BNC2: variants seen among roughly 807,000 people sequenced by gnomAD.
The protein encoded by BNC2 is zinc finger protein basonuclin-2.
BNC2 carries 20 observed loss-of-function variants against 76.3 expected under a neutral mutation model. The ratio of observed to expected loss-of-function variants is 0.26; its 90% CI spans 0.18 to 0.38. BNC2 has a LOEUF of 0.38. Ranked by LOEUF, BNC2 falls within the 10% of genes least tolerant of loss-of-function variation. The pLI, the probability that BNC2 is intolerant of heterozygous loss-of-function variation, is 1.00. For missense variants in BNC2, 1,382 were observed against 1,399.8 expected (o/e 0.99, Z 0.20); for synonymous variants, 582 against 514.8 (o/e 1.13, Z -1.77).
At position 16,413,563 on chromosome 9, in the gene BNC2, C is replaced by A. The variant is rs972333577; in HGVS notation, c.*5426G>T. The stretch of plus-strand genomic sequence containing the variant: ...TGTGGGAAGGATGAGGATGATGAAA[C>A]TACACAAGGAAGGACGGGTATGTGG... On this transcript the variant is annotated 3_prime_UTR_variant, in exon 7 of 7. Coordinates refer to ENST00000380672, the MANE Select transcript of BNC2 (RefSeq NM_017637.6). The A allele has an allele frequency of 6.6e-6, 1 of 152,096 alleles. No individual in the cohort carries two copies. Among genetic ancestry groups the A allele is most frequent in the Non-Finnish European group, 1.5e-5 (1 of 68,020 alleles). The allele number at this position is 152,096 out of a possible 1,614,324, so 9.4% of individuals were successfully genotyped here.
intron 3 of BNC2, among the ~76,000 whole-genome samples, chr9:16,710,069 GA>G (rs1362437833): frequency 6.6e-6 from 1 of 151,866 alleles, no homozygotes; most frequent in Non-Finnish European, 1.5e-5. Flanking sequence ...ATATGTAAAT[GA>G]ATGCTGATGA....
intron 1 of BNC2, among the ~76,000 whole-genome samples, chr9:16,837,408 G>T (rs1311774682): frequency 6.6e-6 from 1 of 152,200 alleles, no homozygotes; most frequent in Non-Finnish European, 1.5e-5. Flanking sequence ...GGACGCTGAG[G>T]CAGGAGAATC....
In BNC2 at chr9:16,515,745, T is replaced by A. The variant is rs531217885; in HGVS notation, c.669+36785A>T. On this transcript the variant is annotated intron_variant, in intron 5 of 6. Coordinates refer to ENST00000380672, the MANE Select transcript of BNC2 (RefSeq NM_017637.6). Reference sequence around the variant, plus strand: ...AAAAAAAAAAAATTTAAAAAAAACCTCTGAAAAAAAAAATCAAGCTTGACA... The same window carrying A: ...AAAAAAAAAAAATTTAAAAAAAACCACTGAAAAAAAAAATCAAGCTTGACA... Among the ~76,000 whole-genome samples the A allele has an allele frequency of 5.2e-3, 761 of 145,060 alleles. 6 individuals are homozygous for A. Among genetic ancestry groups the A allele is most frequent in the Middle Eastern group, 0.018 (5 of 276 alleles).
intron 5 of BNC2, among the ~76,000 whole-genome samples, chr9:16,530,168 GT>G (rs543757072): frequency 1.2e-4 from 18 of 145,800 alleles, no homozygotes; most frequent in South Asian, 4.4e-4. Flanking sequence ...TTTGTTTTTT[GT>G]TTTTTTTTTT....
chr9:16,582,955 C>T lies in BNC2; in HGVS notation c.433+28G>A, dbSNP rs370569366. The stretch of plus-strand genomic sequence containing the variant: ...CACACGAACATGAACATAATAAGAA[C>T]GGGAAGAAAAGCCCAGATTTTCCTC... On this transcript the variant is annotated intron_variant, in intron 4 of 6. Coordinates refer to ENST00000380672, the MANE Select transcript of BNC2 (RefSeq NM_017637.6). 195 of 1,394,950 alleles carry T rather than the reference C, an allele frequency of 1.4e-4. 1 individual carries two copies. Among genetic ancestry groups the T allele is most frequent in the Non-Finnish European group, 1.9e-4 (184 of 987,512 alleles). 86.4% of individuals were successfully genotyped at this position (1,394,950 alleles called of 1,614,324 possible).
In BNC2 at chr9:16,862,123, T is replaced by G. The variant is rs146252770; in HGVS notation, c.3+8523A>C. Reference sequence around the variant, plus strand: ...AACAATTTGGAAGTTCCTCAAAAAGTTATAAGTAGATAGGCCATACTATCC... The same window carrying G: ...AACAATTTGGAAGTTCCTCAAAAAGGTATAAGTAGATAGGCCATACTATCC... On this transcript the variant is annotated intron_variant, in intron 1 of 6. Transcript: ENST00000380672. 4.3e-3 allele frequency among the ~76,000 whole-genome samples: 660 copies of G among 152,282 alleles called. 4 individuals are homozygous for G. Among genetic ancestry groups the G allele is most frequent in the African/African-American group, 0.015 (623 of 41,550 alleles).
chr9:16,571,096 C>T (rs766436365), intron 4 of BNC2, among the ~76,000 whole-genome samples: 2 of 151,954 alleles, frequency 1.3e-5, no homozygotes, highest in African/African-American at 4.8e-5. Context: ...TATTTAAAAA[C>T]CAGTAAAAGA....
intron 3 of BNC2, among the ~76,000 whole-genome samples, chr9:16,713,282 T>C (rs974973847): frequency 1.3e-5 from 2 of 152,086 alleles, no homozygotes; most frequent in Non-Finnish European, 2.9e-5. Context: ...TTTCAACAAA[T>C]TGTGACCAAT....
chr9:16,461,945 T>C (rs2131248057), intron 5 of BNC2, among the ~76,000 whole-genome samples: 1 of 152,370 alleles, frequency 6.6e-6, no homozygotes, highest in Admixed American at 6.5e-5. Flanking sequence ...AAACTCTTGC[T>C]TCTGCTTCCT....
intron 5 of BNC2, among the ~76,000 whole-genome samples, chr9:16,448,994 G>A (rs1400088058): frequency 6.6e-6 from 1 of 151,996 alleles, no homozygotes; most frequent in Non-Finnish European, 1.5e-5. Context: ...TATTTTATTG[G>A]GCCACAAAAG....
At chr9:16,687,972 A>G (rs1435063679) in intron 3 of BNC2, among the ~76,000 whole-genome samples, 1 of 152,186 alleles carries the variant, frequency 6.6e-6, no homozygotes, top group African/African-American at 2.4e-5. Flanking sequence ...TAATCACAAA[A>G]AGGAACTAGT....
At chr9:16,592,550 T>C (rs1342190171) in intron 3 of BNC2, among the ~76,000 whole-genome samples, 1 of 152,118 alleles carries the variant, frequency 6.6e-6, no homozygotes. Flanking sequence ...GGGTGACAGC[T>C]AAAGGGCATG....
chr9:16,793,022 T>C (rs1387362203), intron 1 of BNC2, among the ~76,000 whole-genome samples: 1 of 152,240 alleles, frequency 6.6e-6, no homozygotes, highest in South Asian at 2.1e-4. Flanking sequence ...CAATACCAAA[T>C]AGTCCTAATT....
At chr9:16,557,538 T>C (rs181377691) in intron 4 of BNC2, among the ~76,000 whole-genome samples, 160 of 151,900 alleles carry the variant, frequency 1.1e-3, no homozygotes, top group Admixed American at 1.8e-3. Context: ...CCAAATGCAA[T>C]CTAACCAGAA....
intron 3 of BNC2, among the ~76,000 whole-genome samples, chr9:16,706,809 T>C (rs1159350780): frequency 1.3e-5 from 2 of 152,072 alleles, no homozygotes; most frequent in African/African-American, 4.8e-5. Context: ...GAGGGGAGAA[T>C]CAATCCAACT....
Position 16,479,224 on chromosome 9 carries a change from T to A in BNC2, c.670-41700A>T, listed in dbSNP as rs10962440. ...CCCACTGCGCCACTGTACTCCAGCCTGGGCGACAGAACGAGACTCTGTCTC... is the reference window on the plus strand; with the variant it reads ...CCCACTGCGCCACTGTACTCCAGCCAGGGCGACAGAACGAGACTCTGTCTC... On this transcript the variant is annotated intron_variant, in intron 5 of 6. Transcript: ENST00000380672. Among the ~76,000 whole-genome samples, 3,651 of 139,786 alleles carry A rather than the reference T, an allele frequency of 0.026. 239 individuals carry two copies. In the East Asian group the frequency reaches 0.27, roughly 10 times the overall value. The allele number at this position is 139,786 out of a possible 152,430, so 91.7% of individuals were successfully genotyped here.
intron 6 of BNC2, chr9:16,429,616 G>T (rs993389938): frequency 9.8e-6 from 2 of 203,572 alleles, no homozygotes; most frequent in Non-Finnish European, 2.0e-5. Context: ...ACAGTAGATT[G>T]TTCCTTTATA....
chr9:16,515,059 T>A (rs1241997847), intron 5 of BNC2, among the ~76,000 whole-genome samples: 1 of 152,198 alleles, frequency 6.6e-6, no homozygotes, highest in Non-Finnish European at 1.5e-5. Context: ...TGCACAGCTA[T>A]CAGTACTGTT....
intron 5 of BNC2, among the ~76,000 whole-genome samples, chr9:16,463,441 C>A (rs916727423): frequency 8.2e-5 from 12 of 146,028 alleles, no homozygotes; most frequent in African/African-American, 3.2e-4. Context: ...GGACTACAGG[C>A]GCCCGCCACT....
Sources: allele counts gnomAD v4.1 joint callset (sites outside exome capture counted in the v4.1 genomes callset), GRCh38; gene constraint gnomAD v4.1.1; transcripts MANE v1.5; gene names NCBI Gene and HGNC (gene_info 2026-07-23, HGNC 2026-07-21).